BOLL: variants seen among roughly 807,000 people sequenced by gnomAD.
BOLL encodes the protein boule RNA binding protein.
Under a neutral mutation model 44.4 loss-of-function variants are expected in BOLL, and 23 were observed. The ratio of observed to expected loss-of-function variants is 0.52; its 90% CI spans 0.37 to 0.73. BOLL has a LOEUF of 0.73. BOLL is among the 30% of genes least tolerant of loss of function. BOLL has a pLI of 0.00. For missense variants in BOLL, 287 were observed against 338.3 expected (o/e 0.85, Z 1.19); for synonymous variants, 97 against 110.8 (o/e 0.88, Z 0.78).
intron 8 of BOLL, 34 bp downstream of exon 8, chr2:197,757,319 G>T (rs768764288): frequency 4.5e-6 from 7 of 1,561,518 alleles, no homozygotes; most frequent in Non-Finnish European, 6.1e-6. Context: ...ATGAAAGAAG[G>T]ATTTAAAATT....
At chr2:197,758,685 A>G (rs1688622541) in intron 7 of BOLL, among the ~76,000 whole-genome samples, 1 of 152,236 alleles carries the variant, frequency 6.6e-6, no homozygotes, top group East Asian at 1.9e-4. Context: ...ATGATCTGGC[A>G]TTATAGTTCA....
rs1483573954 is a variant in BOLL at position 197,785,003 on chromosome 2, C to T, written c.-16+53G>A. 8 of 985,896 alleles carry T rather than the reference C, an allele frequency of 8.1e-6. No individual in the cohort carries two copies. The Admixed American group carries it at 3.7e-4, about 45-fold the overall frequency. The allele number at this position is 985,896 out of a possible 1,614,324, so 61.1% of individuals were successfully genotyped here. A position where few individuals can be genotyped will look rare whatever the true frequency, so the allele number is the denominator to read the frequency against. On this transcript the variant is annotated intron_variant, in intron 1 of 10. Coordinates refer to ENST00000392296, the MANE Select transcript of BOLL (RefSeq NM_033030.6). This position sits in a 1 kb window ranked among gnomAD's most constrained non-coding sequence, Gnocchi z 6.7. ...GGCCCCTCCCCTTGAGAATCAACCT[C>T]GAGATCTAGCATCTATTTTGCAAAC...
At chr2:197,742,829 T>C (rs1687814803) in intron 10 of BOLL, among the ~76,000 whole-genome samples, 2 of 151,896 alleles carry the variant, frequency 1.3e-5, no homozygotes, top group South Asian at 4.1e-4. Context: ...TAAAATAAAA[T>C]AAAAATTTTT....
chr2:197,732,520 T>C (rs1354057845), intron 10 of BOLL, among the ~76,000 whole-genome samples: 7 of 152,166 alleles, frequency 4.6e-5, no homozygotes, highest in East Asian at 1.9e-4. Context: ...AAGAGAATTT[T>C]AGACCAATAT....
At chr2:197,773,508 C>T (rs922002050) in intron 5 of BOLL, among the ~76,000 whole-genome samples, 18 of 151,572 alleles carry the variant, frequency 1.2e-4, no homozygotes, top group Non-Finnish European at 2.1e-4. Flanking sequence ...TTATAGGGTA[C>T]GATACTGAAC....
At chr2:197,768,266 A>T (rs1423243526) in intron 6 of BOLL, among the ~76,000 whole-genome samples, 1 of 152,068 alleles carries the variant, frequency 6.6e-6, no homozygotes. Flanking sequence ...TATCATGTTC[A>T]TGGATAGGAA....
rs572404174 is a variant in BOLL at position 197,758,841 on chromosome 2, C to T, written c.553-1441G>A. 26 of 884,542 alleles carry T rather than the reference C, an allele frequency of 2.9e-5. No individual in the cohort carries two copies. In the South Asian group the frequency reaches 4.5e-4, roughly 15 times the overall value. 54.8% of individuals were successfully genotyped at this position (884,542 alleles called of 1,614,324 possible). ...ATAGCAAGAAACTGACATATGTTAA[C>T]ATTAAAAAACCAGCTTGCAGTCCAA... is the stretch of plus-strand genomic sequence containing the variant. On this transcript the variant is annotated intron_variant, in intron 7 of 10. Coordinates refer to ENST00000392296, the MANE Select transcript of BOLL (RefSeq NM_033030.6).
intron 10 of BOLL, among the ~76,000 whole-genome samples, chr2:197,740,044 G>A (rs185109428): frequency 8.5e-4 from 130 of 152,272 alleles, no homozygotes; most frequent in African/African-American, 3.0e-3. Flanking sequence ...AAGCCTCTAT[G>A]AGTAATGTTT....
chr2:197,771,822 G>T, intron 6 of BOLL, 33 bp downstream of exon 6: 1 of 1,509,290 alleles, frequency 6.6e-7, no homozygotes, highest in Non-Finnish European at 8.9e-7. Context: ...GATAGTAATA[G>T]ATGGAAATCC....
At chr2:197,729,064 C>A (rs1480660746) in intron 10 of BOLL, among the ~76,000 whole-genome samples, 1 of 152,096 alleles carries the variant, frequency 6.6e-6, no homozygotes, top group East Asian at 1.9e-4. Context: ...TCTGAGGTAC[C>A]GGGTTCATCT....
chr2:197,766,451 G>C (rs1474968321), intron 7 of BOLL, 81 bp downstream of exon 7: 1 of 1,159,370 alleles, frequency 8.6e-7, no homozygotes, highest in East Asian at 2.4e-5. Flanking sequence ...CAAAGTAGTT[G>C]CATGAGAAAG....
At chr2:197,756,700 C>T (rs760491206) in intron 8 of BOLL, 144 bp from the exon 9 acceptor site, 34 of 653,360 alleles carry the variant, frequency 5.2e-5, no homozygotes, top group East Asian at 3.9e-4. Flanking sequence ...ATCTCAGCAA[C>T]GGATTAGAAA....
intron 9 of BOLL, among the ~76,000 whole-genome samples, chr2:197,753,010 A>G (rs772199760): frequency 2.6e-5 from 4 of 152,160 alleles, no homozygotes; most frequent in Non-Finnish European, 5.9e-5. Context: ...CACATCTACA[A>G]CCATCTGATC....
chr2:197,773,987 G>A (rs563525935), intron 5 of BOLL: 10 of 446,460 alleles, frequency 2.2e-5, no homozygotes, highest in African/African-American at 2.1e-4. Flanking sequence ...ATTTGTAAAT[G>A]TACTTTTAAC....
At chr2:197,768,070 A>G (rs1244428524) in intron 6 of BOLL, among the ~76,000 whole-genome samples, 2 of 152,060 alleles carry the variant, frequency 1.3e-5, no homozygotes, top group East Asian at 3.8e-4. Flanking sequence ...CTATTGAAAA[A>G]TCAAGAGCAT....
At chr2:197,734,710 C>CA (rs1470744647) in intron 10 of BOLL, among the ~76,000 whole-genome samples, 3 of 151,934 alleles carry the variant, frequency 2.0e-5, no homozygotes, top group African/African-American at 7.3e-5. Flanking sequence ...ATTGCAAGGA[C>CA]AAAAAACCAA....
chr2:197,769,582 G>A (rs1409967304), intron 6 of BOLL, among the ~76,000 whole-genome samples: 1 of 152,118 alleles, frequency 6.6e-6, no homozygotes, highest in Non-Finnish European at 1.5e-5. Context: ...CAGATGACAT[G>A]ATTGTATATT....
chr2:197,736,827 G>A (rs1687515766), intron 10 of BOLL, among the ~76,000 whole-genome samples: 1 of 151,950 alleles, frequency 6.6e-6, no homozygotes, highest in Admixed American at 6.6e-5. Flanking sequence ...CATTTATTCT[G>A]TATTCTTTTC....
chr2:197,739,987 G>C (rs1330115390), intron 10 of BOLL, among the ~76,000 whole-genome samples: 1 of 152,104 alleles, frequency 6.6e-6, no homozygotes, highest in East Asian at 1.9e-4. Context: ...AAATGTTAAC[G>C]ACAGAAGAAG....
Sources: allele counts gnomAD v4.1 joint callset (sites outside exome capture counted in the v4.1 genomes callset), GRCh38; gene constraint gnomAD v4.1.1; non-coding constraint Gnocchi (gnomAD v3.1); transcripts MANE v1.5; gene names NCBI Gene and HGNC (gene_info 2026-07-23, HGNC 2026-07-21).